Variants in SLC28A3 observed in about 807,000 individuals in gnomAD.
The protein encoded by SLC28A3 is concentrative Na(+)-nucleoside cotransporter 3.
Under a neutral mutation model 84.2 loss-of-function variants are expected in SLC28A3, and 68 were observed. That is an observed-to-expected ratio of 0.81 (90% CI 0.66 to 0.99). SLC28A3 has a LOEUF of 0.99. SLC28A3 is among the 50% of genes least tolerant of loss of function. The pLI is 0.00. For synonymous variants in SLC28A3, 267 were observed against 303.6 expected, an observed-to-expected ratio of 0.88 and a Z score of 1.25; for missense variants, 712 against 841.5, an observed-to-expected ratio of 0.85 and a Z score of 1.90.
chr9:84,279,127 T>C, intron 17 of SLC28A3, 138 bp downstream of exon 17: 1 of 699,096 alleles, frequency 1.4e-6, no homozygotes, highest in African/African-American at 1.9e-5. Flanking sequence ...GAGCGGAGAT[T>C]GCGCCACTGC....
chr9:84,321,594 C>T lies in SLC28A3; in HGVS notation c.61-8140G>A, dbSNP rs181015004. ...TAAAAATACAAAAAAATTAGCCAGGCGTGGTGGCAGGCGCCTGTAGTCCCA... is the reference window on the plus strand; with the variant it reads ...TAAAAATACAAAAAAATTAGCCAGGTGTGGTGGCAGGCGCCTGTAGTCCCA... On this transcript the variant is annotated intron_variant, in intron 1 of 17. Coordinates refer to ENST00000376238, the MANE Select transcript of SLC28A3 (RefSeq NM_001199633.2). 6.2e-3 allele frequency among the ~76,000 whole-genome samples: 943 copies of T among 151,516 alleles called. 5 individuals are homozygous for T. Among genetic ancestry groups the T allele is most frequent in the African/African-American group, 0.02 (831 of 41,282 alleles).
chr9:84,346,592 T>C, the SLC28A3 span, among the ~76,000 whole-genome samples: 1 of 152,184 alleles, frequency 6.6e-6, no homozygotes. Context: ...AATGTAATCC[T>C]GGGAGGTTTA....
At chr9:84,323,793 C>A (rs1564172917) in intron 1 of SLC28A3, among the ~76,000 whole-genome samples, 1 of 151,564 alleles carries the variant, frequency 6.6e-6, no homozygotes, top group African/African-American at 2.4e-5. Context: ...CCTCCCTTGA[C>A]CTTCCCCAAT....
intron 10 of SLC28A3, among the ~76,000 whole-genome samples, chr9:84,290,652 A>G (rs1172843181): frequency 6.6e-6 from 1 of 152,184 alleles, no homozygotes; most frequent in African/African-American, 2.4e-5. Context: ...GCCTCCACCC[A>G]GCCTAGGACT....
At chr9:84,350,226 G>A in the SLC28A3 span, among the ~76,000 whole-genome samples, 3 of 152,310 alleles carry the variant, frequency 2.0e-5, no homozygotes, top group Middle Eastern at 3.4e-3. Context: ...TGGATCACCT[G>A]AGGTCTGGAG....
intron 1 of SLC28A3, among the ~76,000 whole-genome samples, chr9:84,329,535 GA>G (rs1826696441): frequency 6.6e-6 from 1 of 152,036 alleles, no homozygotes; most frequent in Admixed American, 6.6e-5. Context: ...ACAATTTGGG[GA>G]AAACTTATAA....
the SLC28A3 span, among the ~76,000 whole-genome samples, chr9:84,362,651 AAATAAGTT>A: frequency 1.4e-5 from 2 of 140,932 alleles, no homozygotes; most frequent in Non-Finnish European, 3.2e-5. Context: ...AAATTAAAAT[AAATAAGTT>A]AATAAATAAA....
At chr9:84,289,453 A>G (rs745474632) in intron 11 of SLC28A3, among the ~76,000 whole-genome samples, 29 of 152,258 alleles carry the variant, frequency 1.9e-4, no homozygotes, top group Non-Finnish European at 3.4e-4. Context: ...GCCTTATACT[A>G]CAGACTGCCA....
At position 84,309,740 on chromosome 9, in the gene SLC28A3, A is replaced by G; in HGVS notation, c.157-26T>C. 3 of 1,603,412 alleles carry G rather than the reference A, an allele frequency of 1.9e-6. No homozygotes were observed. In the African/African-American group the frequency reaches 4.0e-5, roughly 21 times the overall value. ...CTGGAAATCAAACATTGGAGCAGAG[A>G]TGGAATAATGAGCATCCTGGGCATA... On this transcript the variant is annotated intron_variant, in intron 2 of 17. Coordinates refer to ENST00000376238, the MANE Select transcript of SLC28A3 (RefSeq NM_001199633.2).
chr9:84,295,467 C>T (rs1825378856), intron 8 of SLC28A3, among the ~76,000 whole-genome samples: 2 of 152,112 alleles, frequency 1.3e-5, no homozygotes, highest in South Asian at 2.1e-4. Flanking sequence ...CTCATGTAAT[C>T]CCAACTACTG....
chr9:84,347,033 G>A, the SLC28A3 span, among the ~76,000 whole-genome samples: 8,201 of 151,718 alleles, frequency 0.054, 448 homozygotes, highest in East Asian at 0.17. Flanking sequence ...AAAACTAGCC[G>A]GACGTGGTAG....
intron 14 of SLC28A3, among the ~76,000 whole-genome samples, chr9:84,281,982 C>CA (rs60273733): frequency 0.19 from 28,372 of 151,448 alleles, 3,144 homozygotes; most frequent in African/African-American, 0.31. Flanking sequence ...AAAAAACAAA[C>CA]AAAAAAAACA....
intron 1 of SLC28A3, among the ~76,000 whole-genome samples, chr9:84,337,765 C>T (rs375807493): frequency 2.8e-4 from 43 of 151,862 alleles, no homozygotes; most frequent in African/African-American, 9.4e-4. Context: ...TCATAGAAAA[C>T]GTTTAGAGGT....
In SLC28A3 at chr9:84,297,204, A is replaced by G. The variant is rs11568382; in HGVS notation, c.861+17T>C. ...CTGAAATAGCAGCGACTACATAGAAAAAAGGTTTGACTTTACCTTAAATGC... is the reference window on the plus strand; with the variant it reads ...CTGAAATAGCAGCGACTACATAGAAGAAAGGTTTGACTTTACCTTAAATGC... On this transcript the variant is annotated intron_variant, in intron 8 of 17. Transcript: ENST00000376238. The G allele has an allele frequency of 4.5e-5, 72 of 1,602,054 alleles. No homozygotes were observed. Among genetic ancestry groups the G allele is most frequent in the Non-Finnish European group, 5.5e-5 (65 of 1,175,326 alleles).
intron 1 of SLC28A3, among the ~76,000 whole-genome samples, chr9:84,323,808 TC>T (rs35536028): frequency 0.049 from 7,350 of 151,304 alleles, 236 homozygotes; most frequent in Middle Eastern, 0.068. Context: ...CCCAATGACA[TC>T]CCCCTCCCCT....
At chr9:84,351,883 A>G in the SLC28A3 span, among the ~76,000 whole-genome samples, 59 of 141,080 alleles carry the variant, frequency 4.2e-4, no homozygotes, top group African/African-American at 1.5e-3. Context: ...AGGGTTCAGG[A>G]AAAAAAAAAA....
the SLC28A3 span, among the ~76,000 whole-genome samples, chr9:84,363,926 TA>T: frequency 1.2e-4 from 18 of 152,122 alleles, no homozygotes; most frequent in Non-Finnish European, 2.2e-4. Context: ...CTTTGATTTT[TA>T]AAATTATCTT....
At chr9:84,301,257 C>T (rs574522585) in intron 5 of SLC28A3, among the ~76,000 whole-genome samples, 116 of 140,868 alleles carry the variant, frequency 8.2e-4, no homozygotes, top group African/African-American at 2.7e-3. Context: ...GGCTGAGGCA[C>T]GAGAATCATT....
chr9:84,345,018 G>C (rs1827226105), upstream of SLC28A3, among the ~76,000 whole-genome samples: 1 of 152,140 alleles, frequency 6.6e-6, no homozygotes, highest in African/African-American at 2.4e-5. Context: ...ATTTAACAGA[G>C]TTCAACTCTT....
Sources: allele counts gnomAD v4.1 joint callset (sites outside exome capture counted in the v4.1 genomes callset), GRCh38; gene constraint gnomAD v4.1.1; transcripts MANE v1.5; gene names NCBI Gene and HGNC (gene_info 2026-07-23, HGNC 2026-07-21).